Variants in CACNA1I observed in about 807,000 individuals in gnomAD.
CACNA1I encodes calcium voltage-gated channel subunit alpha1 I, also known as voltage-dependent T-type calcium channel subunit alpha-1I.
Under a neutral mutation model 201.6 loss-of-function variants are expected in CACNA1I, and 74 were observed. The ratio of observed to expected loss-of-function variants is 0.37; its 90% CI spans 0.30 to 0.45. The LOEUF (loss-of-function observed/expected upper bound fraction) is 0.45, where lower values mean the gene tolerates loss of function less well. Among genes scored for constraint, CACNA1I ranks in the 20% least tolerant of loss-of-function variants. The pLI is 1.00. For synonymous variants in CACNA1I, 1,431 were observed against 1,345.2 expected, an observed-to-expected ratio of 1.06 and a Z score of -1.40; for missense variants, 2,346 against 3,138.1, an observed-to-expected ratio of 0.75 and a Z score of 6.03.
intron 1 of CACNA1I, among the ~76,000 whole-genome samples, chr22:39,592,013 T>C (rs754695799): frequency 2.6e-5 from 4 of 152,182 alleles, no homozygotes; most frequent in Non-Finnish European, 2.9e-5. Context: ...CCTGCTCAGC[T>C]CTGAGACCCC....
chr22:39,634,776 C>T (rs1351189250), intron 5 of CACNA1I, 52 bp downstream of exon 5: 2 of 1,548,948 alleles, frequency 1.3e-6, no homozygotes, highest in Non-Finnish European at 8.8e-7. Context: ...TACTAAGACA[C>T]AGTTTTAACC....
At chr22:39,674,906 G>A (rs1289592913) in intron 29 of CACNA1I, among the ~76,000 whole-genome samples, 1 of 152,228 alleles carries the variant, frequency 6.6e-6, no homozygotes, top group Non-Finnish European at 1.5e-5. Context: ...ACATGGGTGA[G>A]TTCTGTTCCT....
rs1250119405 is a variant in CACNA1I at position 39,649,480 on chromosome 22, C to A, written c.1568-21C>A. ...GCCTGGTGTGGGCAACGACTCTATGCCCCTCTCATTTGCTTTTCAGAGCTG... is the reference window on the plus strand; with the variant it reads ...GCCTGGTGTGGGCAACGACTCTATGACCCTCTCATTTGCTTTTCAGAGCTG... On this transcript the variant is annotated intron_variant, in intron 9 of 36. Transcript: ENST00000402142. The surrounding 1 kb of genome is among the most constrained non-coding windows in gnomAD (Gnocchi z 7.3). 6 of 1,549,082 alleles carry A rather than the reference C, an allele frequency of 3.9e-6. No individual in the cohort carries two copies. Among genetic ancestry groups the A allele is most frequent in the Non-Finnish European group, 5.2e-6 (6 of 1,147,368 alleles).
At position 39,657,669 on chromosome 22, in the gene CACNA1I, C is replaced by T. The variant is rs559964461; in HGVS notation, c.1993-483C>T. ...ACCCGTGTCCTTGCCTGTCTGCAGA[C>T]GGGTTCTTGTGAGGGGCTAAGTGAA... On this transcript the variant is annotated intron_variant, in intron 10 of 36. Transcript: ENST00000402142. 3.9e-5 allele frequency among the ~76,000 whole-genome samples: 6 copies of T among 152,196 alleles called. No individual in the cohort carries two copies. In the South Asian group the frequency reaches 1.2e-3, roughly 32 times the overall value.
chr22:39,596,502 G>GA (rs1455926111), intron 1 of CACNA1I, among the ~76,000 whole-genome samples: 6 of 95,696 alleles, frequency 6.3e-5, no homozygotes, highest in East Asian at 4.3e-4. Flanking sequence ...AGAGATGGGG[G>GA]GCAGGGTGGA....
At chr22:39,602,125 G>C (rs902571339) in intron 3 of CACNA1I, among the ~76,000 whole-genome samples, 25 of 119,074 alleles carry the variant, frequency 2.1e-4, no homozygotes, top group African/African-American at 6.2e-4. Context: ...AGGTTGGAGT[G>C]TGGTGATGCA....
chr22:39,686,092 G>C lies in CACNA1I; in HGVS notation c.6359G>C (p.Gly2120Ala). The C allele has an allele frequency of 1.6e-6, 2 of 1,236,342 alleles. No individual in the cohort carries two copies. Among genetic ancestry groups the C allele is most frequent in the Non-Finnish European group, 2.0e-6 (2 of 992,926 alleles). 76.6% of individuals were successfully genotyped at this position (1,236,342 alleles called of 1,614,324 possible). ...GGTGGCGCGGGCGGCGGGGGCGCGGGCAGCGAGCACTCGGAGACCCTCAGC... is the reference window on the plus strand; with the variant it reads ...GGTGGCGCGGGCGGCGGGGGCGCGGCCAGCGAGCACTCGGAGACCCTCAGC... Reference protein sequence around the residue: ...GRGGAGGGGAGSEHSETLSSL... With the variant: ...GRGGAGGGGAASEHSETLSSL... Residue 2120 changes from glycine to alanine, a missense_variant, in exon 37 of 37, where the codon GGC (glycine) becomes GCC (alanine). Physicochemically the swap from Gly to Ala is moderately conservative, Grantham distance 60 (BLOSUM62 0). Transcript: ENST00000402142.
At chr22:39,679,659 C>T (rs1935632055) in intron 32 of CACNA1I, 63 bp from the exon 33 acceptor site, 1 of 1,468,854 alleles carries the variant, frequency 6.8e-7, no homozygotes, top group Non-Finnish European at 9.2e-7. Context: ...GTCCTGCCCA[C>T]CCCACAGCCC....
rs745887403 is a variant in CACNA1I, at chr22:39,680,917, C to G, written c.5542-13C>G. On this transcript the variant is annotated splice_polypyrimidine_tract_variant and intron_variant, in intron 33 of 36. Coordinates refer to ENST00000402142, the MANE Select transcript of CACNA1I (RefSeq NM_021096.4). ...AAACCTGGGTGACCCGAGGCCACCC[C>G]CTCTTCCTGCAGGTGCAGCTGGCTG... 1.2e-6 allele frequency: 2 copies of G among 1,605,558 alleles called. No homozygotes were observed. The highest frequency in any genetic ancestry group is 4.5e-5 in the East Asian group (2 of 44,798).
At chr22:39,571,418 TCTC>T in intron 1 of CACNA1I, among the ~76,000 whole-genome samples, 1 of 124,222 alleles carries the variant, frequency 8.1e-6, no homozygotes, top group East Asian at 4.1e-4. Context: ...CAGGACTCAT[TCTC>T]CTTACTGTGC....
At chr22:39,658,888 C>A in intron 11 of CACNA1I, 43 bp from the exon 12 acceptor site, 1 of 1,525,550 alleles carries the variant, frequency 6.6e-7, no homozygotes, top group Non-Finnish European at 8.8e-7. Context: ...CCTCCTACTG[C>A]TGCCTCCTAC....
chr22:39,630,927 C>CT (rs1462368950), intron 4 of CACNA1I, among the ~76,000 whole-genome samples: 1 of 151,806 alleles, frequency 6.6e-6, no homozygotes, highest in Admixed American at 6.6e-5. Flanking sequence ...AGTGGGGATG[C>CT]TGGGAGCTGC....
chr22:39,579,393 C>T (rs545656390), intron 1 of CACNA1I, among the ~76,000 whole-genome samples: 58 of 152,352 alleles, frequency 3.8e-4, no homozygotes, highest in Non-Finnish European at 4.6e-4. Context: ...CAGGTAAGAG[C>T]CATCCCTACC....
chr22:39,583,134 C>CTCCATCCATTCA (rs1711676596), intron 1 of CACNA1I, among the ~76,000 whole-genome samples: 1 of 136,230 alleles, frequency 7.3e-6, no homozygotes, highest in African/African-American at 2.9e-5. Flanking sequence ...GCATCCATCT[C>CTCCATCCATTCA]TCCATCCATC....
rs376969520 is a variant in CACNA1I at position 39,678,120 on chromosome 22, C to T, written c.5055+12C>T. 4.6e-5 allele frequency: 74 copies of T among 1,608,680 alleles called. No individual in the cohort carries two copies. The highest frequency in any genetic ancestry group is 3.3e-4 in the Middle Eastern group (2 of 6,066). ...ACGGGATCATGAAGGTACTCCTGGG[C>T]GGGCTGGGGTGGAGAAATCAGCCAG... On this transcript the variant is annotated intron_variant, in intron 31 of 36. Transcript: ENST00000402142.
At position 39,669,956 on chromosome 22, in the gene CACNA1I, G is replaced by A. The variant is rs192579794; in HGVS notation, c.4195-82G>A. ...CAGGCTCAACACATGCCCACTCCAT[G>A]GAGGCTCAGCCAGGATGGGCACCTC... On this transcript the variant is annotated intron_variant, in intron 24 of 36. Transcript: ENST00000402142. 76 of 1,513,158 alleles carry A rather than the reference G, an allele frequency of 5.0e-5. No homozygotes were observed. In the East Asian group the frequency reaches 1.2e-3, roughly 24 times the overall value. 93.7% of individuals were successfully genotyped at this position (1,513,158 alleles called of 1,614,324 possible).
intron 14 of CACNA1I, 42 bp from the exon 15 acceptor site, chr22:39,660,302 G>A: frequency 2.0e-6 from 3 of 1,498,316 alleles, no homozygotes; most frequent in Non-Finnish European, 1.8e-6. Flanking sequence ...GAAGGGAGGA[G>A]CTGGACTGAC....
At chr22:39,635,901 C>T (rs549924719) in intron 5 of CACNA1I, among the ~76,000 whole-genome samples, 4 of 152,300 alleles carry the variant, frequency 2.6e-5, no homozygotes, top group South Asian at 4.1e-4. Flanking sequence ...GCCCCAAGCT[C>T]GCCATCACAC....
At chr22:39,682,444 T>G in intron 34 of CACNA1I, 52 bp from the exon 35 acceptor site, 316 of 1,535,402 alleles carry the variant, frequency 2.1e-4, no homozygotes, top group Non-Finnish European at 2.5e-4. Flanking sequence ...GTACCCTTCA[T>G]GAGCTGTCCC....
Sources: allele counts gnomAD v4.1 joint callset (sites outside exome capture counted in the v4.1 genomes callset), GRCh38; gene constraint gnomAD v4.1.1; non-coding constraint Gnocchi (gnomAD v3.1); transcripts MANE v1.5; gene names NCBI Gene and HGNC (gene_info 2026-07-23, HGNC 2026-07-21).